LOC400499: variants seen among roughly 807,000 people sequenced by gnomAD.
chr16:11,487,140 AG>A, the LOC400499 span: 1 of 397,126 alleles, frequency 2.5e-6, no homozygotes, highest in South Asian at 1.4e-4. Context: ...ACTAGATATT[AG>A]GGGAGGAGAT....
the LOC400499 span, among the ~76,000 whole-genome samples, chr16:11,447,683 C>G: frequency 6.6e-6 from 1 of 151,996 alleles, no homozygotes; most frequent in Non-Finnish European, 1.5e-5. Flanking sequence ...GAAGACGCCC[C>G]AAGCAGCTCC....
chr16:11,458,493 G>A, the LOC400499 span, among the ~76,000 whole-genome samples: 5 of 144,174 alleles, frequency 3.5e-5, no homozygotes, highest in East Asian at 6.2e-4. Flanking sequence ...CAACAAAAGC[G>A]AAACTCTGTC....
the LOC400499 span, among the ~76,000 whole-genome samples, chr16:11,496,003 C>T: frequency 3.3e-5 from 5 of 152,076 alleles, no homozygotes; most frequent in East Asian, 3.9e-4. Context: ...GCTAGACCCA[C>T]GTCACTCCAG....
At chr16:11,466,827 G>T in the LOC400499 span, among the ~76,000 whole-genome samples, 2 of 152,174 alleles carry the variant, frequency 1.3e-5, no homozygotes, top group South Asian at 4.1e-4. Context: ...TATTTAGATT[G>T]AATTAATCTC....
chr16:11,477,835 A>G, the LOC400499 span: 1 of 398,812 alleles, frequency 2.5e-6, no homozygotes, highest in Admixed American at 4.4e-5. Flanking sequence ...GCTTGACATA[A>G]CCATTCACAG....
the LOC400499 span, chr16:11,414,643 C>T: frequency 1.0e-5 from 4 of 398,328 alleles, no homozygotes; most frequent in African/African-American, 2.1e-5. Flanking sequence ...GCAAGGCTGC[C>T]ACAGCGTGGG....
At chr16:11,446,754 G>A in the LOC400499 span, 20 of 1,535,934 alleles carry the variant, frequency 1.3e-5, no homozygotes, top group East Asian at 4.6e-4. Flanking sequence ...TCACGTAGGG[G>A]TGTCCGGCCT....
the LOC400499 span, among the ~76,000 whole-genome samples, chr16:11,382,228 A>G: frequency 3.3e-5 from 5 of 152,218 alleles, no homozygotes; most frequent in Non-Finnish European, 5.9e-5. Flanking sequence ...ATAAGCCACC[A>G]CACCCGGCAT....
chr16:11,383,609 G>A, the LOC400499 span: 133 of 1,232,254 alleles, frequency 1.1e-4, 1 homozygote, highest in African/African-American at 1.5e-3. Context: ...GATGCCAGAC[G>A]GGGCAGAGTG....
the LOC400499 span, among the ~76,000 whole-genome samples, chr16:11,487,912 G>C: frequency 1.3e-5 from 2 of 152,106 alleles, no homozygotes; most frequent in East Asian, 1.9e-4. Context: ...CCAGGGGTTC[G>C]AGAGGAGCCT....
At chr16:11,402,184 G>C in the LOC400499 span, 2 of 399,006 alleles carry the variant, frequency 5.0e-6, no homozygotes, top group Admixed American at 4.4e-5. Flanking sequence ...CACACACAAA[G>C]GGTAGGGCAC....
chr16:11,446,603 TG>T, the LOC400499 span: 1 of 1,536,096 alleles, frequency 6.5e-7, no homozygotes, highest in Non-Finnish European at 8.7e-7. Flanking sequence ...GGGATGACTT[TG>T]CCATCGTATG....
At chr16:11,418,667 G>A in the LOC400499 span, among the ~76,000 whole-genome samples, 5 of 152,154 alleles carry the variant, frequency 3.3e-5, no homozygotes, top group African/African-American at 7.2e-5. Context: ...GGTCTGGATC[G>A]AGACCCCATT....
chr16:11,525,850 T>C, the LOC400499 span, among the ~76,000 whole-genome samples: 1 of 152,214 alleles, frequency 6.6e-6, no homozygotes, highest in African/African-American at 2.4e-5. Context: ...GTTCATGTCA[T>C]GATAAATTCT....
chr16:11,453,738 C>A, the LOC400499 span, among the ~76,000 whole-genome samples: 2 of 151,906 alleles, frequency 1.3e-5, no homozygotes, highest in Admixed American at 1.3e-4. Context: ...CAAGCAGAGG[C>A]AGGACGATCA....
At chr16:11,501,658 C>A in the LOC400499 span, among the ~76,000 whole-genome samples, 1 of 152,096 alleles carries the variant, frequency 6.6e-6, no homozygotes, top group Non-Finnish European at 1.5e-5. Flanking sequence ...CTTTACCCGC[C>A]TTACTAGCCC....
chr16:11,372,645 T>G, the LOC400499 span: 6 of 634,758 alleles, frequency 9.5e-6, no homozygotes, highest in Non-Finnish European at 1.2e-5. Context: ...GTCCCAGCCA[T>G]GAATCTTGTC....
chr16:11,462,286 C>G, the LOC400499 span: 7 of 1,503,848 alleles, frequency 4.7e-6, no homozygotes, highest in Admixed American at 1.0e-4. Context: ...CCATGGCTGG[C>G]TGCAGGTCAC....
the LOC400499 span, among the ~76,000 whole-genome samples, chr16:11,422,764 G>A: frequency 3.8e-4 from 58 of 152,298 alleles, no homozygotes; most frequent in African/African-American, 1.3e-3. Context: ...TGTGCTTCCT[G>A]CCTGCACCCT....
Sources: allele counts gnomAD v4.1 joint callset (sites outside exome capture counted in the v4.1 genomes callset), GRCh38; gene constraint gnomAD v4.1.1; transcripts MANE v1.5.